PSD3: variants seen among roughly 807,000 people sequenced by gnomAD.
PSD3 encodes the protein PH and SEC7 domain-containing protein 3.
In PSD3, 49 loss-of-function variants were observed where a neutral mutation model predicts 105.5. That is an observed-to-expected ratio of 0.46 (90% CI 0.37 to 0.59). The LOEUF is 0.59. Among genes scored for constraint, PSD3 ranks in the 20% least tolerant of loss-of-function variants. PSD3 has a pLI of 0.00. For synonymous variants in PSD3, 557 were observed against 457.8 expected (o/e 1.22, Z -2.77); for missense variants, 1,561 against 1,263.8 (o/e 1.24, Z -3.57).
chr8:18,779,867 T>C (rs1317708891), intron 8 of PSD3, among the ~76,000 whole-genome samples: 1 of 152,220 alleles, frequency 6.6e-6, no homozygotes, highest in Non-Finnish European at 1.5e-5. Flanking sequence ...GCCTCAAGAA[T>C]GTCCCATGTG....
chr8:18,721,800 A>G (rs967681969), intron 9 of PSD3, among the ~76,000 whole-genome samples: 3 of 152,202 alleles, frequency 2.0e-5, no homozygotes, highest in African/African-American at 7.2e-5. Context: ...CCAGCCAGTA[A>G]AGAATCATAG....
chr8:18,944,213 C>G (rs891862559), intron 1 of PSD3, among the ~76,000 whole-genome samples: 7 of 152,190 alleles, frequency 4.6e-5, no homozygotes, highest in African/African-American at 1.7e-4. Flanking sequence ...TGTCCAATTA[C>G]AGATCACATT....
chr8:18,857,606 G>A (rs1563351520), intron 4 of PSD3, among the ~76,000 whole-genome samples: 1 of 152,204 alleles, frequency 6.6e-6, no homozygotes, highest in Non-Finnish European at 1.5e-5. Context: ...GAACTACTGT[G>A]CTACAGCTTT....
At chr8:18,755,451 A>ACATAACATAACATAG (rs1457635433) in intron 9 of PSD3, among the ~76,000 whole-genome samples, 122 of 151,842 alleles carry the variant, frequency 8.0e-4, no homozygotes, top group African/African-American at 2.9e-3. Context: ...ACATAACATA[A>ACATAACATAACATAG]CATAACATAA....
intron 1 of PSD3, among the ~76,000 whole-genome samples, chr8:18,967,903 A>AT (rs1824385990): frequency 6.6e-6 from 1 of 152,192 alleles, no homozygotes; most frequent in African/African-American, 2.4e-5. Flanking sequence ...TCGAGGGCCC[A>AT]TTCACATATT....
intron 1 of PSD3, among the ~76,000 whole-genome samples, chr8:19,005,296 C>T (rs1826620481): frequency 6.6e-6 from 1 of 151,978 alleles, no homozygotes; most frequent in African/African-American, 2.4e-5. Context: ...CATGCTACTT[C>T]ATGGATGAGC....
chr8:19,065,341 C>T (rs34747927), intron 1 of PSD3, among the ~76,000 whole-genome samples: 60,262 of 151,922 alleles, frequency 0.4, 12,979 homozygotes, highest in East Asian at 0.77. Flanking sequence ...ATCAGCTCTG[C>T]GGTGGACATC....
chr8:18,807,381 C>T (rs1419908274), intron 4 of PSD3, among the ~76,000 whole-genome samples: 1 of 152,146 alleles, frequency 6.6e-6, no homozygotes, highest in African/African-American at 2.4e-5. Flanking sequence ...ACTTTATCGG[C>T]AAGCACCTGA....
chr8:18,726,178 C>G (rs751817330), intron 9 of PSD3, among the ~76,000 whole-genome samples: 2 of 152,238 alleles, frequency 1.3e-5, no homozygotes, highest in Non-Finnish European at 2.9e-5. Context: ...TGTGCCAAAT[C>G]TGTTTAAAAA....
At chr8:18,744,725 C>T (rs1010399416) in intron 9 of PSD3, among the ~76,000 whole-genome samples, 2 of 152,152 alleles carry the variant, frequency 1.3e-5, no homozygotes, top group Non-Finnish European at 2.9e-5. Flanking sequence ...AAAACCAGAA[C>T]GTTAATGTTG....
chr8:18,954,504 GT>G (rs1309363455), intron 1 of PSD3, among the ~76,000 whole-genome samples: 1 of 152,122 alleles, frequency 6.6e-6, no homozygotes, highest in African/African-American at 2.4e-5. Context: ...GATGACCAAT[GT>G]TTAGTTCCCT....
chr8:18,668,748 A>C (rs770479338), intron 9 of PSD3, among the ~76,000 whole-genome samples: 18 of 152,198 alleles, frequency 1.2e-4, no homozygotes, highest in Non-Finnish European at 2.4e-4. Context: ...TATTATGTGT[A>C]TTGTTCACAT....
At chr8:18,561,672 T>C (rs1801404401) in intron 14 of PSD3, among the ~76,000 whole-genome samples, 1 of 152,236 alleles carries the variant, frequency 6.6e-6, no homozygotes. Flanking sequence ...ATATAATTAT[T>C]ATATGGTCAA....
intron 2 of PSD3, among the ~76,000 whole-genome samples, chr8:18,874,639 G>A (rs1241030607): frequency 6.8e-6 from 1 of 146,406 alleles, no homozygotes; most frequent in Non-Finnish European, 1.5e-5. Context: ...GGAGGCAGAG[G>A]TTGCAGTGAG....
intron 1 of PSD3, among the ~76,000 whole-genome samples, chr8:18,962,168 T>G (rs1461330095): frequency 6.6e-6 from 1 of 151,286 alleles, no homozygotes; most frequent in African/African-American, 2.4e-5. Flanking sequence ...ATCTCTCGAA[T>G]CTGGGAGGCG....
chr8:18,967,997 C>G (rs923630376), intron 1 of PSD3, among the ~76,000 whole-genome samples: 1 of 152,154 alleles, frequency 6.6e-6, no homozygotes, highest in African/African-American at 2.4e-5. Context: ...CCACCAAAAC[C>G]AGACTGGTAA....
intron 1 of PSD3, among the ~76,000 whole-genome samples, chr8:19,069,369 G>A (rs1044773596): frequency 2.0e-5 from 3 of 152,096 alleles, no homozygotes; most frequent in African/African-American, 7.2e-5. Flanking sequence ...TCTTCCAATG[G>A]GGGAAGGGAA....
At chr8:18,918,420 C>A (rs1820764611) in intron 2 of PSD3, among the ~76,000 whole-genome samples, 1 of 152,228 alleles carries the variant, frequency 6.6e-6, no homozygotes, top group East Asian at 1.9e-4. Context: ...TAGCAGGTAT[C>A]ATCCTGTGTC....
intron 2 of PSD3, among the ~76,000 whole-genome samples, chr8:18,893,796 T>G (rs1818968680): frequency 6.6e-6 from 1 of 152,216 alleles, no homozygotes; most frequent in South Asian, 2.1e-4. Flanking sequence ...TCTCTCTCAC[T>G]GGCTCACAGG....
Sources: gnomAD v4.1 joint callset for allele counts (sites outside exome capture counted in the v4.1 genomes callset) on GRCh38, gnomAD v4.1.1 for gene constraint, MANE v1.5 for transcripts, NCBI Gene and HGNC (gene_info 2026-07-23, HGNC 2026-07-21) for gene names.